Variants in RABGAP1L observed in about 807,000 individuals in gnomAD.
RABGAP1L encodes the protein RAB GTPase activating protein 1 like, also known as rab GTPase-activating protein 1-like.
In RABGAP1L, 63 loss-of-function variants were observed where a neutral mutation model predicts 137.7. The ratio of observed to expected loss-of-function variants is 0.46; its 90% CI spans 0.37 to 0.56. The LOEUF (loss-of-function observed/expected upper bound fraction) is 0.56, where lower values mean the gene tolerates loss of function less well. Among genes scored for constraint, RABGAP1L ranks in the 20% least tolerant of loss-of-function variants. RABGAP1L has a pLI of 0.00. For synonymous variants in RABGAP1L, 431 were observed against 433.7 expected (o/e 0.99, Z 0.08); for missense variants, 1,095 against 1,244.0 (o/e 0.88, Z 1.80).
chr1:174,830,488 T>G (rs1319738843), intron 19 of RABGAP1L, among the ~76,000 whole-genome samples: 1 of 147,720 alleles, frequency 6.8e-6, no homozygotes, highest in African/African-American at 2.5e-5. Context: ...TTTCTTTTTT[T>G]TCTTTTGAGG....
chr1:174,254,434 T>A (rs777225227), intron 7 of RABGAP1L, among the ~76,000 whole-genome samples: 1 of 152,138 alleles, frequency 6.6e-6, no homozygotes, highest in Non-Finnish European at 1.5e-5. Context: ...GCCCATCATC[T>A]AGGTTTTAAG....
At position 174,250,561 on chromosome 1, in the gene RABGAP1L, C is replaced by A. The variant is rs556178498; in HGVS notation, c.804C>A (p.Thr268=). ...ATGTTAAAGACTCAGTTATTCCTAC[C>A]CCCGACAGTGATGTGTTTACCTTCA... ...VSDVKDSVIP[T]PDSDVFTFSV... Residue 268 remains threonine (T), a synonymous_variant, in exon 6 of 26, where the codon ACC becomes ACA. Coordinates refer to ENST00000681986, the MANE Select transcript of RABGAP1L (RefSeq NM_001366446.1). The A allele has an allele frequency of 3.2e-5, 51 of 1,613,716 alleles. No homozygotes were observed. In the South Asian group the frequency reaches 5.3e-4, roughly 17 times the overall value.
At chr1:174,920,980 T>G (rs1661699976) in intron 19 of RABGAP1L, among the ~76,000 whole-genome samples, 1 of 152,206 alleles carries the variant, frequency 6.6e-6, no homozygotes, top group African/African-American at 2.4e-5. Context: ...TGGAGTACAG[T>G]GGAGCGATCT....
In RABGAP1L at chr1:174,272,622, G is replaced by T. The variant is rs889189450; in HGVS notation, c.1053+142G>T. 1.1e-5 allele frequency: 12 copies of T among 1,128,748 alleles called. No homozygotes were observed. The South Asian group carries it at 3.4e-4, about 32-fold the overall frequency. 69.9% of individuals were successfully genotyped at this position (1,128,748 alleles called of 1,614,324 possible). On this transcript the variant is annotated intron_variant, in intron 8 of 25. Coordinates refer to ENST00000681986, the MANE Select transcript of RABGAP1L (RefSeq NM_001366446.1). ...GATAGTAATAATTAAATTTGGAAAC[G>T]CAAACTTAAAATTACTTGTGAAAGA...
chr1:174,215,542 T>C (rs890739677), intron 1 of RABGAP1L, among the ~76,000 whole-genome samples: 1 of 151,678 alleles, frequency 6.6e-6, no homozygotes, highest in African/African-American at 2.4e-5. Context: ...AAAGAAGATA[T>C]ACAAATGGCA....
At chr1:174,656,318 C>T (rs886241715) in intron 14 of RABGAP1L, among the ~76,000 whole-genome samples, 3 of 152,086 alleles carry the variant, frequency 2.0e-5, no homozygotes, top group Non-Finnish European at 2.9e-5. Context: ...ATTATCCAGG[C>T]ATAGTGGTGG....
At position 174,542,755 on chromosome 1, in the gene RABGAP1L, A is replaced by G. The variant is rs187330008; in HGVS notation, c.1711-94620A>G. On this transcript the variant is annotated intron_variant, in intron 13 of 25. Transcript: ENST00000681986. ...TAGTGCTATAAATTTCCCTCTACAC[A>G]TTGCTTTAAATGTGTCCCAGAGATT... Among the ~76,000 whole-genome samples, 491 of 152,260 alleles carry G rather than the reference A, an allele frequency of 3.2e-3. 3 individuals carry two copies. The highest frequency in any genetic ancestry group is 8.7e-3 in the South Asian group (42 of 4,828).
chr1:174,328,011 A>ATATATATG (rs1680696415), intron 11 of RABGAP1L, among the ~76,000 whole-genome samples: 7 of 134,864 alleles, frequency 5.2e-5, no homozygotes, highest in African/African-American at 2.1e-4. Context: ...ATATATATAT[A>ATATATATG]TATATATATA....
chr1:174,463,428 C>T (rs183685539), intron 13 of RABGAP1L, among the ~76,000 whole-genome samples: 3,377 of 151,332 alleles, frequency 0.022, 55 homozygotes, highest in Middle Eastern at 0.09. Context: ...AACCAAACAC[C>T]GCATGTTCTC....
chr1:174,665,387 TTC>T (rs1676710383), intron 14 of RABGAP1L, among the ~76,000 whole-genome samples: 1 of 151,106 alleles, frequency 6.6e-6, no homozygotes, highest in African/African-American at 2.5e-5. Context: ...TTCCTTTCCT[TTC>T]TTTCTTTCTT....
intron 4 of RABGAP1L, among the ~76,000 whole-genome samples, chr1:174,236,011 C>G (rs1454668401): frequency 1.5e-5 from 1 of 66,566 alleles, no homozygotes; most frequent in Admixed American, 1.7e-4. Flanking sequence ...GTGTATGTGT[C>G]GAGGAATGTA....
intron 21 of RABGAP1L, among the ~76,000 whole-genome samples, chr1:174,973,987 T>G (rs868828577): frequency 0.12 from 12,948 of 107,474 alleles, 2,317 homozygotes; most frequent in African/African-American, 0.41. Context: ...TTGTTTTTTT[T>G]TTTTTTTTTT....
chr1:174,267,373 T>C (rs1005135371), intron 7 of RABGAP1L, among the ~76,000 whole-genome samples: 1 of 152,192 alleles, frequency 6.6e-6, no homozygotes, highest in Non-Finnish European at 1.5e-5. Flanking sequence ...GTAGAATAAA[T>C]AGCTGTCTGT....
intron 19 of RABGAP1L, among the ~76,000 whole-genome samples, chr1:174,953,049 A>AT (rs1375634784): frequency 1.6e-4 from 24 of 151,850 alleles, no homozygotes; most frequent in African/African-American, 5.5e-4. Context: ...AAAAAAAAAA[A>AT]AAAGAACTAA....
intron 13 of RABGAP1L, among the ~76,000 whole-genome samples, chr1:174,501,181 T>G (rs1226066568): frequency 6.6e-6 from 1 of 151,912 alleles, no homozygotes; most frequent in Non-Finnish European, 1.5e-5. Flanking sequence ...CCCTACATTT[T>G]CTAAACTTAA....
chr1:174,463,336 A>G (rs1189054961), intron 13 of RABGAP1L, among the ~76,000 whole-genome samples: 1 of 152,178 alleles, frequency 6.6e-6, no homozygotes, highest in Non-Finnish European at 1.5e-5. Context: ...GCAGCCATAA[A>G]AAATGATGAG....
At chr1:174,501,660 C>T (rs1661288573) in intron 13 of RABGAP1L, among the ~76,000 whole-genome samples, 1 of 152,082 alleles carries the variant, frequency 6.6e-6, no homozygotes, top group South Asian at 2.1e-4. Flanking sequence ...GAAGAGCTGC[C>T]ATGTACTAAC....
At chr1:174,294,077 T>C (rs915003347) in intron 10 of RABGAP1L, among the ~76,000 whole-genome samples, 2 of 152,174 alleles carry the variant, frequency 1.3e-5, no homozygotes, top group South Asian at 4.1e-4. Context: ...GTCTCTGAAA[T>C]GGGGATTATA....
intron 18 of RABGAP1L, among the ~76,000 whole-genome samples, chr1:174,757,783 C>T (rs918043381): frequency 1.3e-5 from 2 of 151,652 alleles, no homozygotes; most frequent in African/African-American, 4.8e-5. Flanking sequence ...AGTTCTGACA[C>T]TTTAGGGGGC....
Sources: allele counts gnomAD v4.1 joint callset (sites outside exome capture counted in the v4.1 genomes callset), GRCh38; gene constraint gnomAD v4.1.1; transcripts MANE v1.5; gene names NCBI Gene and HGNC (gene_info 2026-07-23, HGNC 2026-07-21).